The following PCDHA9 variants were observed in gnomAD, a reference collection of about 807,000 sequenced individuals.
The protein encoded by PCDHA9 is protocadherin alpha-9.
PCDHA9 carries 62 observed loss-of-function variants against 62.0 expected under a neutral mutation model. The ratio of observed to expected loss-of-function variants is 1.00; its 90% CI spans 0.81 to 1.23. The LOEUF (loss-of-function observed/expected upper bound fraction) is 1.23. Among genes scored for constraint, PCDHA9 ranks in the 50% most tolerant of loss-of-function variants. PCDHA9 has a pLI of 0.00. For missense variants in PCDHA9, 1,205 were observed against 1,249.8 expected (o/e 0.96, Z 0.54); for synonymous variants, 557 against 567.6 (o/e 0.98, Z 0.27).
At chr5:140,869,457 T>A (rs1554163081) in intron 1 of PCDHA9, 2 of 1,614,184 alleles carry the variant, frequency 1.2e-6, no homozygotes, top group Non-Finnish European at 1.7e-6. Flanking sequence ...AGGTTTTCCA[T>A]GTGAACGTGG....
chr5:140,923,062 A>G (rs548165193), intron 1 of PCDHA9, among the ~76,000 whole-genome samples: 1 of 152,372 alleles, frequency 6.6e-6, no homozygotes, highest in African/African-American at 2.4e-5. Context: ...TAAAAGAGCT[A>G]GGTCTCCTCA....
rs199990641 is a variant in PCDHA9, at chr5:140,966,961, G to C, written c.2395-11988G>C. On this transcript the variant is annotated intron_variant, in intron 1 of 3. Coordinates refer to ENST00000532602, the MANE Select transcript of PCDHA9 (RefSeq NM_031857.2). ...TCGTGGGCAACGTGGCTCGCGCGCT[G>C]GGGCTTGAGCTGCGGCGCTTGGGGC... The C allele has an allele frequency of 8.7e-6, 14 of 1,603,190 alleles. No individual in the cohort carries two copies. The East Asian group carries it at 2.7e-4, about 31-fold the overall frequency.
intron 1 of PCDHA9, chr5:140,877,253 T>G (rs2056969600): frequency 1.2e-6 from 2 of 1,613,576 alleles, no homozygotes; most frequent in Non-Finnish European, 8.5e-7. Context: ...GTGGCGAAAG[T>G]GCGCGCGGTG....
chr5:140,943,620 A>G (rs1285848217), intron 1 of PCDHA9, among the ~76,000 whole-genome samples: 1 of 152,200 alleles, frequency 6.6e-6, no homozygotes, highest in Non-Finnish European at 1.5e-5. Context: ...ATTCATCTGC[A>G]TAAGGAAGCT....
At chr5:140,912,130 T>A (rs1554195167) in intron 1 of PCDHA9, among the ~76,000 whole-genome samples, 1 of 152,156 alleles carries the variant, frequency 6.6e-6, no homozygotes, top group Non-Finnish European at 1.5e-5. Flanking sequence ...GTCAGTCTAA[T>A]CTCTCCATGT....
At chr5:140,943,386 A>G (rs1245126281) in intron 1 of PCDHA9, among the ~76,000 whole-genome samples, 2 of 152,154 alleles carry the variant, frequency 1.3e-5, no homozygotes, top group African/African-American at 4.8e-5. Flanking sequence ...CAGGTAAGAA[A>G]TTATGGATAT....
chr5:141,008,837 C>G (rs1460664317), intron 3 of PCDHA9, among the ~76,000 whole-genome samples: 1 of 152,178 alleles, frequency 6.6e-6, no homozygotes, highest in Non-Finnish European at 1.5e-5. Flanking sequence ...CATCCTCTTA[C>G]GCTGTGTATT....
intron 1 of PCDHA9, chr5:140,876,368 C>T (rs564115297): frequency 3.7e-5 from 59 of 1,613,904 alleles, no homozygotes; most frequent in Non-Finnish European, 4.9e-5. Context: ...AATCCAGACA[C>T]AGGTGAAATT....
chr5:140,860,534 AAGAC>A, intron 1 of PCDHA9: 1 of 152,306 alleles, frequency 6.6e-6, no homozygotes, highest in Middle Eastern at 3.4e-3. Flanking sequence ...TCTGATTTGT[AAGAC>A]AAACCCACCT....
intron 1 of PCDHA9, among the ~76,000 whole-genome samples, chr5:140,960,351 T>C (rs1268803425): frequency 3.3e-5 from 5 of 152,192 alleles, no homozygotes; most frequent in African/African-American, 7.2e-5. Flanking sequence ...AGATATGTAC[T>C]GAAATAATAT....
At chr5:140,883,291 A>T (rs1554177505) in intron 1 of PCDHA9, 1 of 1,614,118 alleles carries the variant, frequency 6.2e-7, no homozygotes, top group South Asian at 1.1e-5. Flanking sequence ...TGGAAGTACT[A>T]GATGTAAATG....
chr5:140,969,110 C>T (rs1380719565), intron 1 of PCDHA9: 5 of 1,614,064 alleles, frequency 3.1e-6, no homozygotes, highest in Non-Finnish European at 3.4e-6. Flanking sequence ...CATTGAAGTT[C>T]GAGGGAATGG....
At chr5:141,005,680 C>T (rs1389178600) in intron 3 of PCDHA9, among the ~76,000 whole-genome samples, 6 of 111,878 alleles carry the variant, frequency 5.4e-5, no homozygotes, top group East Asian at 2.8e-4. Flanking sequence ...CCAGCCTGGG[C>T]GACAGAGCGA....
chr5:140,963,907 A>C (rs1303006789), intron 1 of PCDHA9, among the ~76,000 whole-genome samples: 1 of 152,240 alleles, frequency 6.6e-6, no homozygotes, highest in Non-Finnish European at 1.5e-5. Flanking sequence ...AGTAAAGTGA[A>C]GCTTAGGCTA....
intron 1 of PCDHA9, among the ~76,000 whole-genome samples, chr5:140,945,632 A>G (rs1258111936): frequency 6.6e-6 from 1 of 152,168 alleles, no homozygotes; most frequent in African/African-American, 2.4e-5. Flanking sequence ...GGCATAAAAG[A>G]CATGTAGACC....
chr5:140,882,668 C>T, intron 1 of PCDHA9: 1 of 1,614,138 alleles, frequency 6.2e-7, no homozygotes, highest in Non-Finnish European at 8.5e-7. Context: ...GCCCATATTC[C>T]CTGAAAGCAA....
chr5:140,899,402 G>A lies in PCDHA9; in HGVS notation c.2394+48513G>A, dbSNP rs1465071147. On this transcript the variant is annotated intron_variant, in intron 1 of 3. Transcript: ENST00000532602. ...TTTATTGAGAGTTTTTAGCATGAAG[G>A]GTTGTTGAATTTTGTCAAAGGTCTT... Among the ~76,000 whole-genome samples, 5 of 152,122 alleles carry A rather than the reference G, an allele frequency of 3.3e-5. No individual in the cohort carries two copies. The East Asian group carries it at 7.7e-4, about 24-fold the overall frequency.
At chr5:140,910,874 A>T (rs1285814930) in intron 1 of PCDHA9, among the ~76,000 whole-genome samples, 2 of 151,996 alleles carry the variant, frequency 1.3e-5, no homozygotes, top group African/African-American at 4.8e-5. Flanking sequence ...ATTATCCCAC[A>T]CCCTTAATAT....
intron 1 of PCDHA9, among the ~76,000 whole-genome samples, chr5:140,905,837 G>A (rs1433117944): frequency 1.3e-5 from 2 of 152,148 alleles, no homozygotes; most frequent in African/African-American, 2.4e-5. Context: ...ATAAAGGGGA[G>A]TTTATTAAGG....
Sources: allele counts gnomAD v4.1 joint callset (sites outside exome capture counted in the v4.1 genomes callset), GRCh38; gene constraint gnomAD v4.1.1; transcripts MANE v1.5; gene names NCBI Gene and HGNC (gene_info 2026-07-23, HGNC 2026-07-21).